PRKAR1B: variants seen among roughly 807,000 people sequenced by gnomAD.
The protein encoded by PRKAR1B is protein kinase cAMP-dependent type I regulatory subunit beta, also known as cAMP-dependent protein kinase type I-beta regulatory subunit.
PRKAR1B carries 22 observed loss-of-function variants against 46.5 expected under a neutral mutation model. The ratio of observed to expected loss-of-function variants is 0.47; its 90% CI spans 0.34 to 0.68. The LOEUF (loss-of-function observed/expected upper bound fraction) is 0.68, where lower values mean the gene tolerates loss of function less well. Ranked by LOEUF, PRKAR1B falls within the 30% of genes least tolerant of loss-of-function variation. The pLI is 0.01. For missense variants in PRKAR1B, 445 were observed against 535.6 expected (o/e 0.83, Z 1.67); for synonymous variants, 259 against 217.7 (o/e 1.19, Z -1.67).
intron 2 of PRKAR1B, among the ~76,000 whole-genome samples, chr7:709,344 T>TATA (rs2128527547): frequency 6.6e-6 from 1 of 151,560 alleles, no homozygotes; most frequent in African/African-American, 2.4e-5. Flanking sequence ...TATGCATGTG[T>TATA]GTATGCATGT....
At chr7:622,092 C>A (rs1364123444) in intron 4 of PRKAR1B, among the ~76,000 whole-genome samples, 1 of 152,212 alleles carries the variant, frequency 6.6e-6, no homozygotes, top group Admixed American at 6.5e-5. Context: ...GGAACTGCAG[C>A]CAGAGGTGGC....
intron 9 of PRKAR1B, among the ~76,000 whole-genome samples, chr7:577,720 A>C (rs1405570633): frequency 6.6e-6 from 1 of 152,198 alleles, no homozygotes; most frequent in Non-Finnish European, 1.5e-5. Context: ...CAGTTCAAAC[A>C]ACCATGGGGC....
At chr7:619,476 G>T (rs1167172571) in intron 4 of PRKAR1B, among the ~76,000 whole-genome samples, 1 of 152,218 alleles carries the variant, frequency 6.6e-6, no homozygotes, top group Admixed American at 6.5e-5. Context: ...GTGGGAGCAG[G>T]ACAGAAGCAC....
At chr7:684,746 T>C (rs964480420) in intron 2 of PRKAR1B, among the ~76,000 whole-genome samples, 1 of 152,094 alleles carries the variant, frequency 6.6e-6, no homozygotes, top group Non-Finnish European at 1.5e-5. Context: ...CCTTTTACAG[T>C]GGAAATTCCC....
intron 4 of PRKAR1B, among the ~76,000 whole-genome samples, chr7:651,538 G>T (rs992526872): frequency 2.1e-4 from 32 of 151,510 alleles, no homozygotes; most frequent in Non-Finnish European, 7.4e-5. Context: ...CCCGTGCAGC[G>T]CTAGGAACCT....
intron 7 of PRKAR1B, among the ~76,000 whole-genome samples, chr7:589,450 C>T (rs1290993754): frequency 1.3e-5 from 2 of 151,854 alleles, no homozygotes; most frequent in Non-Finnish European, 2.9e-5. Context: ...CTCCTCCTCC[C>T]AGAAGGTGAT....
chr7:682,219 C>T (rs980201250), intron 2 of PRKAR1B, among the ~76,000 whole-genome samples: 8 of 152,116 alleles, frequency 5.3e-5, no homozygotes, highest in African/African-American at 1.9e-4. Flanking sequence ...CTGTGTGACC[C>T]TGAGTAAGTT....
chr7:595,555 TC>T (rs1781225962), intron 7 of PRKAR1B, among the ~76,000 whole-genome samples: 1 of 151,620 alleles, frequency 6.6e-6, no homozygotes, highest in Non-Finnish European at 1.5e-5. Context: ...CTCCCCGGGC[TC>T]CCCACGAGCT....
chr7:700,019 G>C (rs1422981865), intron 2 of PRKAR1B, among the ~76,000 whole-genome samples: 8 of 152,170 alleles, frequency 5.3e-5, no homozygotes, highest in Non-Finnish European at 1.2e-4. Flanking sequence ...AGGCATATCT[G>C]TGTGCCAGAG....
intron 9 of PRKAR1B, among the ~76,000 whole-genome samples, chr7:578,644 C>T (rs1272067053): frequency 6.6e-6 from 1 of 151,904 alleles, no homozygotes; most frequent in South Asian, 2.1e-4. Context: ...CACCCTCGCA[C>T]GCCCTGTGTG....
intron 4 of PRKAR1B, among the ~76,000 whole-genome samples, chr7:608,764 G>C (rs1258636894): frequency 1.0e-5 from 1 of 95,960 alleles, no homozygotes; most frequent in Admixed American, 9.2e-5. Context: ...AGGCTGGGGG[G>C]CCTCCACTGT....
At chr7:688,502 C>G (rs1779227432) in intron 2 of PRKAR1B, among the ~76,000 whole-genome samples, 1 of 152,194 alleles carries the variant, frequency 6.6e-6, no homozygotes, top group Non-Finnish European at 1.5e-5. Context: ...TTTATGTCAG[C>G]CAGCAAGGCC....
rs562102751 is a variant in PRKAR1B, at chr7:723,221, T to C, written c.-23+3989A>G. Among the ~76,000 whole-genome samples the C allele has an allele frequency of 2.7e-4, 41 of 152,336 alleles. 1 individual carries two copies. The highest frequency in any genetic ancestry group is 3.4e-3 in the Middle Eastern group (1 of 294). ...GTTGCACAGCACAGGTTAATGCACCTGCAGCAGCTTTAAAATCGGCCCTGA... is the reference window on the plus strand; with the variant it reads ...GTTGCACAGCACAGGTTAATGCACCCGCAGCAGCTTTAAAATCGGCCCTGA... On this transcript the variant is annotated intron_variant, in intron 1 of 10. Coordinates refer to ENST00000537384, the MANE Select transcript of PRKAR1B (RefSeq NM_001164760.2).
intron 2 of PRKAR1B, among the ~76,000 whole-genome samples, chr7:707,487 C>T (rs961924822): frequency 6.6e-6 from 1 of 152,124 alleles, no homozygotes; most frequent in African/African-American, 2.4e-5. Context: ...ATTGCCCTGC[C>T]CACGCCCAAG....
chr7:653,231 G>A (rs1420717955), intron 4 of PRKAR1B, among the ~76,000 whole-genome samples: 1 of 152,120 alleles, frequency 6.6e-6, no homozygotes, highest in African/African-American at 2.4e-5. Flanking sequence ...GCTCTTTGGG[G>A]GCCACCAATG....
At chr7:688,893 C>A (rs190689051) in intron 2 of PRKAR1B, among the ~76,000 whole-genome samples, 4 of 152,150 alleles carry the variant, frequency 2.6e-5, no homozygotes, top group African/African-American at 9.7e-5. Context: ...CTTAAAACAG[C>A]GCCTGCATAC....
At chr7:648,826 T>C (rs966255268) in intron 4 of PRKAR1B, among the ~76,000 whole-genome samples, 5 of 151,340 alleles carry the variant, frequency 3.3e-5, no homozygotes, top group Non-Finnish European at 7.4e-5. Context: ...CCCATAGGGA[T>C]TGGACACTCA....
chr7:575,505 G>A (rs757429845), intron 9 of PRKAR1B, among the ~76,000 whole-genome samples: 5 of 152,228 alleles, frequency 3.3e-5, no homozygotes, highest in Admixed American at 1.3e-4. Context: ...TTTTCCACAG[G>A]AAAGACAGCC....
At chr7:578,516 G>A (rs759271556) in intron 9 of PRKAR1B, among the ~76,000 whole-genome samples, 11 of 152,244 alleles carry the variant, frequency 7.2e-5, no homozygotes, top group East Asian at 3.9e-4. Context: ...GAGATCCTGC[G>A]TACCCTGAAT....
Sources: gnomAD v4.1 joint callset for allele counts (sites outside exome capture counted in the v4.1 genomes callset) on GRCh38, gnomAD v4.1.1 for gene constraint, MANE v1.5 for transcripts, NCBI Gene and HGNC (gene_info 2026-07-23, HGNC 2026-07-21) for gene names.